The following PAPPA2 variants were observed in gnomAD, a reference collection of about 807,000 sequenced individuals.
PAPPA2 encodes the protein pappalysin 2.
PAPPA2 carries 86 observed loss-of-function variants against 176.4 expected under a neutral mutation model. That is an observed-to-expected ratio of 0.49 (90% CI 0.41 to 0.58). PAPPA2 has a LOEUF of 0.58. PAPPA2 is among the 20% of genes least tolerant of loss of function. The pLI, the probability that PAPPA2 is intolerant of heterozygous loss-of-function variation, is 0.00. For synonymous variants in PAPPA2, 809 were observed against 852.2 expected, an observed-to-expected ratio of 0.95 and a Z score of 0.88; for missense variants, 2,073 against 2,256.9, an observed-to-expected ratio of 0.92 and a Z score of 1.65.
intron 4 of PAPPA2, among the ~76,000 whole-genome samples, chr1:176,676,831 G>C (rs1009935239): frequency 1.3e-5 from 2 of 152,026 alleles, no homozygotes; most frequent in African/African-American, 4.8e-5. Context: ...GCATATAGCA[G>C]GTGCTCTGTG....
chr1:176,511,201 A>G (rs1437132568), intron 1 of PAPPA2, among the ~76,000 whole-genome samples: 7 of 152,212 alleles, frequency 4.6e-5, no homozygotes, highest in Non-Finnish European at 8.8e-5. Flanking sequence ...TACCATTCAA[A>G]CACTAATCAA....
chr1:176,683,292 G>A (rs1270862853), intron 4 of PAPPA2, among the ~76,000 whole-genome samples: 4 of 151,994 alleles, frequency 2.6e-5, no homozygotes, highest in Non-Finnish European at 4.4e-5. Flanking sequence ...TGTAATCAAG[G>A]CTGAAAGATC....
chr1:176,710,388 C>T (rs1012771367), intron 11 of PAPPA2, among the ~76,000 whole-genome samples: 4 of 152,080 alleles, frequency 2.6e-5, no homozygotes, highest in African/African-American at 9.7e-5. Context: ...AGGTTCTCAC[C>T]TGGAAAAATG....
chr1:176,539,157 T>C (rs992922), intron 1 of PAPPA2, among the ~76,000 whole-genome samples: 21,321 of 152,256 alleles, frequency 0.14, 1,683 homozygotes, highest in African/African-American at 0.19. Context: ...GCTGGTGCAG[T>C]TAGGCAGACG....
chr1:176,793,664 G>C lies in PAPPA2; in HGVS notation c.5125G>C (p.Val1709Leu). 6.3e-7 allele frequency: 1 copy of C among 1,597,624 alleles called. No individual in the cohort carries two copies. The highest frequency in any genetic ancestry group is 8.6e-7 in the Non-Finnish European group (1 of 1,167,768). ...TLEHWMEPVK[V>L]QSIVCTGRRQ... is the part of the protein sequence containing the mutation. Reference sequence around the variant, plus strand: ...GGAGCACTGGATGGAACCTGTCAAAGTCCAGGTGAGGAAAGGGACATTGTT... The same window carrying C: ...GGAGCACTGGATGGAACCTGTCAAACTCCAGGTGAGGAAAGGGACATTGTT... Residue 1709 changes from valine (V) to leucine (L), a missense_variant, in exon 20 of 23, where the codon GTC becomes CTC. Val to Leu is a conservative substitution (Grantham distance 32). Coordinates refer to ENST00000367662, the MANE Select transcript of PAPPA2 (RefSeq NM_020318.3).
chr1:176,638,976 G>A (rs1298762225), intron 3 of PAPPA2, among the ~76,000 whole-genome samples: 1 of 148,406 alleles, frequency 6.7e-6, no homozygotes, highest in Non-Finnish European at 1.5e-5. Flanking sequence ...GTGTGTATGT[G>A]TTTGTAGGGG....
chr1:176,585,253 G>A (rs1653237435), intron 2 of PAPPA2, among the ~76,000 whole-genome samples: 1 of 151,662 alleles, frequency 6.6e-6, no homozygotes, highest in Non-Finnish European at 1.5e-5. Context: ...GCTTTGCTGG[G>A]TATAGTATTC....
chr1:176,626,800 C>A (rs1175490691), intron 3 of PAPPA2, among the ~76,000 whole-genome samples: 1 of 151,810 alleles, frequency 6.6e-6, no homozygotes, highest in Non-Finnish European at 1.5e-5. Context: ...ATCTCACTAC[C>A]TTTTTGGGCC....
At chr1:176,542,637 C>T (rs1650423025) in intron 1 of PAPPA2, among the ~76,000 whole-genome samples, 1 of 152,194 alleles carries the variant, frequency 6.6e-6, no homozygotes, top group Admixed American at 6.5e-5. Context: ...CCCCTGGCCC[C>T]TACTGGACAG....
At chr1:176,615,179 C>T (rs115975876) in intron 3 of PAPPA2, among the ~76,000 whole-genome samples, 1 of 152,152 alleles carries the variant, frequency 6.6e-6, no homozygotes, top group East Asian at 1.9e-4. Flanking sequence ...TAGCTCCCTC[C>T]CATTTTTTTC....
intron 3 of PAPPA2, among the ~76,000 whole-genome samples, chr1:176,641,724 C>T (rs1392212835): frequency 6.6e-6 from 1 of 151,924 alleles, no homozygotes; most frequent in East Asian, 1.9e-4. Context: ...ACACTCTTCT[C>T]CTATTTTTTG....
chr1:176,558,898 G>A (rs779198998), intron 2 of PAPPA2, among the ~76,000 whole-genome samples: 1 of 152,134 alleles, frequency 6.6e-6, no homozygotes, highest in Non-Finnish European at 1.5e-5. Flanking sequence ...AGATCCAATA[G>A]GAGTCTATGT....
intron 17 of PAPPA2, 105 bp downstream of exon 17, chr1:176,771,285 C>A: frequency 8.4e-7 from 1 of 1,194,482 alleles, no homozygotes; most frequent in South Asian, 1.4e-5. Context: ...ATTCTCCAGT[C>A]ATGACAGGCA....
intron 2 of PAPPA2, among the ~76,000 whole-genome samples, chr1:176,593,952 G>A (rs1238801299): frequency 3.3e-5 from 5 of 152,110 alleles, no homozygotes; most frequent in Admixed American, 6.5e-5. Context: ...GGTATTAGAG[G>A]GAATAGTGTG....
intron 3 of PAPPA2, among the ~76,000 whole-genome samples, chr1:176,659,840 T>A (rs1658257371): frequency 1.3e-5 from 2 of 152,072 alleles, no homozygotes; most frequent in African/African-American, 2.4e-5. Context: ...GTTAGGGATG[T>A]CATTTCTTAA....
intron 1 of PAPPA2, among the ~76,000 whole-genome samples, chr1:176,496,346 T>C (rs1647619990): frequency 6.6e-6 from 1 of 152,198 alleles, no homozygotes; most frequent in South Asian, 2.1e-4. Context: ...CACTTTTACA[T>C]AGAGGTTTGA....
intron 1 of PAPPA2, among the ~76,000 whole-genome samples, chr1:176,477,352 C>T (rs1572948396): frequency 6.6e-6 from 1 of 152,094 alleles, no homozygotes; most frequent in African/African-American, 2.4e-5. Context: ...TATTGTGATC[C>T]ATTATTACAC....
chr1:176,562,115 G>A lies in PAPPA2; in HGVS notation c.919+4874G>A, dbSNP rs1158391890. On this transcript the variant is annotated intron_variant, in intron 2 of 22. Transcript: ENST00000367662. ...GAGATGAGATTTGGGTGGGGACAGAGTCAAACCATATCAAGACCCTTCACG... is the reference window on the plus strand; with the variant it reads ...GAGATGAGATTTGGGTGGGGACAGAATCAAACCATATCAAGACCCTTCACG... 2.6e-5 allele frequency among the ~76,000 whole-genome samples: 4 copies of A among 152,328 alleles called. No individual in the cohort carries two copies. In the East Asian group the frequency reaches 5.8e-4, roughly 22 times the overall value.
chr1:176,695,826 T>C lies in PAPPA2; in HGVS notation c.2713T>C (p.Ser905Pro). 1 of 1,614,066 alleles carries C rather than the reference T, an allele frequency of 6.2e-7. No individual in the cohort carries two copies. Among genetic ancestry groups the C allele is most frequent in the Non-Finnish European group, 8.5e-7 (1 of 1,180,000 alleles). The change falls in exon 7 of 23, where the codon TCC (serine) becomes CCC (proline). Residue 905 changes from serine (S) to proline (P), a missense_variant. Transcript: ENST00000367662. ...AGCTTCCTCCCGGCGGGTGTGTGAC[T>C]CCTCAGGTTATTGGACCCCAGAGGA... ...HTASSRRVCD[S>P]SGYWTPEEAV...
Sources: gnomAD v4.1 joint callset for allele counts (sites outside exome capture counted in the v4.1 genomes callset) on GRCh38, gnomAD v4.1.1 for gene constraint, MANE v1.5 for transcripts, NCBI Gene and HGNC (gene_info 2026-07-23, HGNC 2026-07-21) for gene names.